Variants in TSHR observed in about 807,000 individuals in gnomAD.
TSHR encodes the protein thyroid stimulating hormone receptor.
TSHR carries 51 observed loss-of-function variants against 64.1 expected under a neutral mutation model. The observed-to-expected ratio is 0.80, with a 90% CI of 0.64 to 1.01. The LOEUF (loss-of-function observed/expected upper bound fraction) is 1.01, where lower values mean the gene tolerates loss of function less well. Among genes scored for constraint, TSHR ranks in the 50% least tolerant of loss-of-function variants. The pLI is 0.00. For missense variants in TSHR, 877 were observed against 942.8 expected (o/e 0.93, Z 0.91); for synonymous variants, 361 against 361.9 (o/e 1.00, Z 0.03).
At chr14:81,110,269 A>G (rs552775230) in intron 8 of TSHR, among the ~76,000 whole-genome samples, 4 of 152,230 alleles carry the variant, frequency 2.6e-5, no homozygotes, top group Non-Finnish European at 5.9e-5. Flanking sequence ...GTATTTGAAG[A>G]TAGGGTCTGT....
intron 3 of TSHR, among the ~76,000 whole-genome samples, chr14:81,086,258 A>C (rs1595081058): frequency 6.6e-6 from 1 of 152,168 alleles, no homozygotes; most frequent in East Asian, 1.9e-4. Flanking sequence ...AATGAGGACA[A>C]TGGACCAGTA....
intron 7 of TSHR, 94 bp from the exon 8 acceptor site, chr14:81,108,281 G>C: frequency 2.8e-6 from 3 of 1,058,624 alleles, no homozygotes; most frequent in African/African-American, 3.1e-5. Flanking sequence ...TCAATACTAT[G>C]GTCACATTTT....
chr14:81,001,418 C>A, intron 1 of TSHR: 1 of 450,144 alleles, frequency 2.2e-6, no homozygotes, highest in South Asian at 1.7e-5. Context: ...CTCTATAAGG[C>A]CAGTAGCAAA....
intron 7 of TSHR, among the ~76,000 whole-genome samples, chr14:81,106,673 G>A (rs980927438): frequency 1.3e-5 from 2 of 152,186 alleles, no homozygotes; most frequent in Admixed American, 6.5e-5. Flanking sequence ...GGGCCGGCAC[G>A]GTGGCTCATG....
chr14:81,121,368 A>C (rs10131039), intron 8 of TSHR, among the ~76,000 whole-genome samples: 4,101 of 152,302 alleles, frequency 0.027, 202 homozygotes, highest in African/African-American at 0.094. Flanking sequence ...TGAATTCTGA[A>C]GGGAAAGTCA....
Position 80,955,880 on chromosome 14 carries a change from C to T in TSHR, c.170+30C>T, listed in dbSNP as rs1283025089. On this transcript the variant is annotated intron_variant, in intron 1 of 9. Coordinates refer to ENST00000298171, the MANE Select transcript of TSHR (RefSeq NM_000369.5). ...GTACCCGGGAGAGATCAGGGTAGGA[C>T]CCAGAGATCAAGGGCATCTGCAGAG... 3 of 1,613,958 alleles carry T rather than the reference C, an allele frequency of 1.9e-6. No homozygotes were observed. The South Asian group carries it at 3.3e-5, about 18-fold the overall frequency.
intron 1 of TSHR, among the ~76,000 whole-genome samples, chr14:80,976,545 G>C (rs1887884768): frequency 6.6e-6 from 1 of 152,110 alleles, no homozygotes; most frequent in African/African-American, 2.4e-5. Context: ...CTTTTCTTAG[G>C]CTGGGGTTAT....
intron 1 of TSHR, among the ~76,000 whole-genome samples, chr14:81,026,076 A>G (rs1389636290): frequency 1.3e-5 from 2 of 152,244 alleles, no homozygotes; most frequent in African/African-American, 2.4e-5. Context: ...ATGAAGACAC[A>G]TGCAGACAAG....
At chr14:80,964,789 C>G (rs1296346085) in intron 1 of TSHR, among the ~76,000 whole-genome samples, 2 of 152,168 alleles carry the variant, frequency 1.3e-5, no homozygotes, top group Non-Finnish European at 2.9e-5. Context: ...TACAAACAAC[C>G]CTAACAGACA....
At chr14:81,052,745 G>A (rs1334457630) in intron 1 of TSHR, 1 of 151,802 alleles carries the variant, frequency 6.6e-6, no homozygotes, top group African/African-American at 2.4e-5. Flanking sequence ...CAGTGTATAG[G>A]TTCTTCTCCT....
rs951359085 is a variant in TSHR at position 81,102,760 on chromosome 14, C to T, written c.615-5615C>T. On this transcript the variant is annotated intron_variant, in intron 7 of 9. Coordinates refer to ENST00000298171, the MANE Select transcript of TSHR (RefSeq NM_000369.5). ...CTGGAGGGTCATAGTTTGTAGACCTCTGGATAAAAGTATTCAGTGAGGATG... is the reference window on the plus strand; with the variant it reads ...CTGGAGGGTCATAGTTTGTAGACCTTTGGATAAAAGTATTCAGTGAGGATG... 7 of 984,210 alleles carry T rather than the reference C, an allele frequency of 7.1e-6. No individual in the cohort carries two copies. In the African/African-American group the frequency reaches 8.7e-5, roughly 12 times the overall value. The allele number at this position is 984,210 out of a possible 1,614,324, so 61.0% of individuals were successfully genotyped here.
At chr14:81,085,930 G>A (rs559605296) in intron 3 of TSHR, among the ~76,000 whole-genome samples, 2 of 152,280 alleles carry the variant, frequency 1.3e-5, no homozygotes, top group East Asian at 3.9e-4. Flanking sequence ...TTGGAGTAGG[G>A]TGGCCAACTG....
intron 3 of TSHR, among the ~76,000 whole-genome samples, chr14:81,069,473 T>C (rs1312375537): frequency 2.6e-5 from 4 of 152,220 alleles, no homozygotes; most frequent in African/African-American, 9.6e-5. Flanking sequence ...TAGAGTGTTA[T>C]GAAGACAGTA....
intron 2 of TSHR, 56 bp downstream of exon 2, chr14:81,062,275 C>T (rs551617645): frequency 2.1e-5 from 28 of 1,343,516 alleles, no homozygotes; most frequent in Admixed American, 1.2e-4. Flanking sequence ...ATTCTCTAAA[C>T]GTGTTCTATC....
At chr14:81,071,140 T>C (rs10151660) in intron 3 of TSHR, among the ~76,000 whole-genome samples, 44,108 of 152,178 alleles carry the variant, frequency 0.29, 10,775 homozygotes, top group African/African-American at 0.68. Context: ...TGTGTTGTGA[T>C]TTCTAAAAGC....
intron 3 of TSHR, among the ~76,000 whole-genome samples, chr14:81,082,917 G>A (rs960345070): frequency 6.6e-6 from 1 of 152,106 alleles, no homozygotes; most frequent in African/African-American, 2.4e-5. Context: ...TTTAGGGTGT[G>A]GGGAAATATC....
At chr14:80,991,697 A>C (rs956658842) in intron 1 of TSHR, 3 of 396,942 alleles carry the variant, frequency 7.6e-6, no homozygotes, top group African/African-American at 6.2e-5. Context: ...ACAAGTGATA[A>C]TAGAAGGGCC....
chr14:81,105,360 G>A (rs373311866), intron 7 of TSHR, among the ~76,000 whole-genome samples: 2 of 152,212 alleles, frequency 1.3e-5, no homozygotes, highest in African/African-American at 4.8e-5. Context: ...AGAGCAGCAA[G>A]CTGATGCAAG....
intron 7 of TSHR, among the ~76,000 whole-genome samples, chr14:81,099,948 C>T (rs1227627910): frequency 6.6e-6 from 1 of 151,012 alleles, no homozygotes; most frequent in African/African-American, 2.4e-5. Flanking sequence ...TATCTTATGA[C>T]CAGCCATAAA....
Sources: gnomAD v4.1 joint callset for allele counts (sites outside exome capture counted in the v4.1 genomes callset) on GRCh38, gnomAD v4.1.1 for gene constraint, MANE v1.5 for transcripts, NCBI Gene and HGNC (gene_info 2026-07-23, HGNC 2026-07-21) for gene names.